SCPEP1: variants seen among roughly 807,000 people sequenced by gnomAD.
SCPEP1 encodes the protein retinoid-inducible serine carboxypeptidase.
Under a neutral mutation model 63.8 loss-of-function variants are expected in SCPEP1, and 51 were observed. The observed-to-expected ratio is 0.80, with a 90% CI of 0.64 to 1.01. The LOEUF (loss-of-function observed/expected upper bound fraction) is 1.01, where lower values mean the gene tolerates loss of function less well. Among genes scored for constraint, SCPEP1 ranks in the 50% least tolerant of loss-of-function variants. The probability of loss-of-function intolerance (pLI) is 0.00; values close to 1 mark genes in which losing one functional copy is unlikely to be tolerated. For synonymous variants in SCPEP1, 204 were observed against 207.8 expected (o/e 0.98, Z 0.16); for missense variants, 499 against 554.9 (o/e 0.90, Z 1.01).
chr17:56,987,571 G>A (rs1597916377), intron 3 of SCPEP1, 124 bp from the exon 4 acceptor site: 1 of 799,504 alleles, frequency 1.3e-6, no homozygotes, highest in Middle Eastern at 4.2e-4. Flanking sequence ...TAGCAACAGG[G>A]ATATCATCAC....
chr17:56,992,373 G>A (rs1249894435), intron 6 of SCPEP1, among the ~76,000 whole-genome samples: 1 of 152,044 alleles, frequency 6.6e-6, no homozygotes, highest in Non-Finnish European at 1.5e-5. Flanking sequence ...TTCCTTCCTG[G>A]ATGGATCTCG....
chr17:56,980,215 A>G (rs1911029186), intron 1 of SCPEP1, among the ~76,000 whole-genome samples: 3 of 152,112 alleles, frequency 2.0e-5, no homozygotes, highest in South Asian at 2.1e-4. Context: ...ACTGGGCTCA[A>G]GCGATTCTCC....
At chr17:56,997,209 T>G in intron 9 of SCPEP1, 154 bp downstream of exon 9, 1 of 504,514 alleles carries the variant, frequency 2.0e-6, no homozygotes, top group East Asian at 3.0e-5. Context: ...CCCAGAGTTG[T>G]GCAGTCATCA....
chr17:56,978,201 G>T lies in SCPEP1; in HGVS notation c.42G>T (p.Leu14Phe). ...ALRRSPVPRWLLLLPLLLGLN... is the reference protein window; with the variant it reads ...ALRRSPVPRWFLLLPLLLGLN... ...GGCGCTCTCCCGTCCCGCGGTGGTTGCTGCTGCTGCCGCTGCTGCTGGGCC... is the reference window on the plus strand; with the variant it reads ...GGCGCTCTCCCGTCCCGCGGTGGTTTCTGCTGCTGCCGCTGCTGCTGGGCC... The change falls in exon 1 of 13, where the codon TTG becomes TTT. Residue 14 changes from leucine to phenylalanine, a missense_variant. Leu to Phe is a conservative substitution (Grantham distance 22). Transcript: ENST00000262288. The T allele has an allele frequency of 1.3e-6, 2 of 1,563,012 alleles. No individual in the cohort carries two copies. The highest frequency in any genetic ancestry group is 1.7e-6 in the Non-Finnish European group (2 of 1,159,556).
At chr17:56,987,563 G>T in intron 3 of SCPEP1, 132 bp from the exon 4 acceptor site, 2 of 707,836 alleles carry the variant, frequency 2.8e-6, no homozygotes, top group Non-Finnish European at 4.2e-6. Flanking sequence ...ATCTCTTTTA[G>T]CAACAGGGAT....
intron 5 of SCPEP1, among the ~76,000 whole-genome samples, chr17:56,989,038 T>A (rs75627525): frequency 1.2e-4 from 18 of 146,416 alleles, no homozygotes; most frequent in Admixed American, 9.5e-4. Flanking sequence ...AAAAAAAAAA[T>A]AATAAGCTGG....
At chr17:56,990,958 A>T in intron 5 of SCPEP1, 141 bp from the exon 6 acceptor site, 1 of 723,802 alleles carries the variant, frequency 1.4e-6, no homozygotes, top group Non-Finnish European at 2.5e-6. Context: ...TTTTGTAGAG[A>T]TGGGGGTCTC....
chr17:56,986,690 C>T (rs1054893750), intron 3 of SCPEP1, among the ~76,000 whole-genome samples: 10 of 152,014 alleles, frequency 6.6e-5, no homozygotes, highest in East Asian at 1.9e-4. Flanking sequence ...GGACTACAGG[C>T]GCCCGCCACT....
chr17:57,003,207 G>C (rs944518953), intron 12 of SCPEP1, among the ~76,000 whole-genome samples: 1 of 152,170 alleles, frequency 6.6e-6, no homozygotes, highest in African/African-American at 2.4e-5. Context: ...CTCAGACAGC[G>C]AGGACTTGGA....
At chr17:56,991,285 T>C (rs1911391459) in intron 6 of SCPEP1, 114 bp downstream of exon 6, 2 of 847,718 alleles carry the variant, frequency 2.4e-6, no homozygotes, top group Non-Finnish European at 4.1e-6. Flanking sequence ...TCTGGGCCCT[T>C]AGAGAAAGTG....
chr17:56,983,124 C>T (rs1911115959), intron 2 of SCPEP1: 1 of 152,012 alleles, frequency 6.6e-6, no homozygotes, highest in African/African-American at 2.4e-5. Flanking sequence ...AGCCCTGGGC[C>T]ATGCTAGCAC....
intron 1 of SCPEP1, among the ~76,000 whole-genome samples, chr17:56,979,305 C>T (rs1467834370): frequency 6.6e-6 from 1 of 152,146 alleles, no homozygotes; most frequent in African/African-American, 2.4e-5. Context: ...ATTTACAAGA[C>T]GTTGTCTCAT....
rs1479367810 is a variant in SCPEP1 at position 57,006,453 on chromosome 17, G to T, written c.*218G>T. On this transcript the variant is annotated 3_prime_UTR_variant, in exon 13 of 13. Coordinates refer to ENST00000262288, the MANE Select transcript of SCPEP1 (RefSeq NM_021626.3). Reference sequence around the variant, plus strand: ...AAAACCTAAGATTTTTTAAAAAATTGATTTGTTTTGATCAAAATAAAGGAT... The same window carrying T: ...AAAACCTAAGATTTTTTAAAAAATTTATTTGTTTTGATCAAAATAAAGGAT... 8.2e-6 allele frequency: 3 copies of T among 365,894 alleles called. No homozygotes were observed. The highest frequency in any genetic ancestry group is 1.5e-5 in the Non-Finnish European group (3 of 205,036). The allele number at this position is 365,894 out of a possible 1,614,324, so 22.7% of individuals were successfully genotyped here.
At chr17:56,986,639 G>A (rs543954418) in intron 3 of SCPEP1, among the ~76,000 whole-genome samples, 104 of 151,810 alleles carry the variant, frequency 6.9e-4, no homozygotes, top group African/African-American at 2.4e-3. Flanking sequence ...TCCGCCTCCC[G>A]GGTTCACACC....
At chr17:56,997,091 C>T in intron 9 of SCPEP1, 36 bp downstream of exon 9, 1 of 1,264,108 alleles carries the variant, frequency 7.9e-7, no homozygotes, top group African/African-American at 1.5e-5. Flanking sequence ...GTCCCTGCCT[C>T]AGCCTCCATG....
chr17:56,992,261 A>G (rs1911423095), intron 6 of SCPEP1, among the ~76,000 whole-genome samples: 1 of 152,176 alleles, frequency 6.6e-6, no homozygotes, highest in Admixed American at 6.6e-5. Context: ...ACGACTTGGA[A>G]TAGTATTTCT....
chr17:56,978,251 A>C lies in SCPEP1; in HGVS notation c.76+16A>C. ...CTGAACGCAGGTAGGTTCAAGCAAG[A>C]GGCGCACCAGCTGCCATGCCTCTTT... On this transcript the variant is annotated intron_variant, in intron 1 of 12. Coordinates refer to ENST00000262288, the MANE Select transcript of SCPEP1 (RefSeq NM_021626.3). 4 of 1,525,780 alleles carry C rather than the reference A, an allele frequency of 2.6e-6. No homozygotes were observed. The South Asian group carries it at 4.8e-5, about 18-fold the overall frequency. 94.5% of individuals were successfully genotyped at this position (1,525,780 alleles called of 1,614,324 possible).
chr17:56,994,953 T>C, intron 6 of SCPEP1, 28 bp from the exon 7 acceptor site: 1 of 1,601,042 alleles, frequency 6.2e-7, no homozygotes, highest in Non-Finnish European at 8.6e-7. Context: ...ATGACATACT[T>C]GATTTGTACA....
At chr17:56,989,576 T>G (rs1911321549) in intron 5 of SCPEP1, among the ~76,000 whole-genome samples, 1 of 152,234 alleles carries the variant, frequency 6.6e-6, no homozygotes, top group Non-Finnish European at 1.5e-5. Context: ...TGAAAACAGC[T>G]GGTTGGCTGT....
Sources: allele counts gnomAD v4.1 joint callset (sites outside exome capture counted in the v4.1 genomes callset), GRCh38; gene constraint gnomAD v4.1.1; transcripts MANE v1.5; gene names NCBI Gene and HGNC (gene_info 2026-07-23, HGNC 2026-07-21).